Variants in THSD7B observed in about 807,000 individuals in gnomAD.
THSD7B encodes the protein thrombospondin type 1 domain containing 7B.
Under a neutral mutation model 213.6 loss-of-function variants are expected in THSD7B, and 138 were observed. The ratio of observed to expected loss-of-function variants is 0.65; its 90% CI spans 0.56 to 0.74. THSD7B has a LOEUF of 0.74. Among genes scored for constraint, THSD7B ranks in the 30% least tolerant of loss-of-function variants. The probability of loss-of-function intolerance (pLI) is 0.00; values close to 1 mark genes in which losing one functional copy is unlikely to be tolerated. For synonymous variants in THSD7B, 742 were observed against 687.0 expected, an observed-to-expected ratio of 1.08 and a Z score of -1.25; for missense variants, 1,931 against 1,991.5, an observed-to-expected ratio of 0.97 and a Z score of 0.58.
At chr2:136,898,850 C>T (rs1684012205) in intron 2 of THSD7B, among the ~76,000 whole-genome samples, 1 of 151,606 alleles carries the variant, frequency 6.6e-6, no homozygotes. Flanking sequence ...ACCATGTTGG[C>T]CAGGTTGTTC....
rs771641954 is a variant in THSD7B at position 137,170,933 on chromosome 2, A to G, written c.1718A>G (p.Asp573Gly). ...HRILKAVCQN[D>G]RGEDVSGSLC... ...ATTCTGAAGGCCGTCTGCCAGAATG[A>G]CCGCGGTATGACCCAGTGACCCACT... Residue 573 changes from aspartate to glycine, a missense_variant, in exon 7 of 28, where the codon GAC becomes GGC. Physicochemically the swap from Asp to Gly is moderately conservative, Grantham distance 94 (BLOSUM62 -1). Transcript: ENST00000409968. 6.2e-7 allele frequency: 1 copy of G among 1,612,152 alleles called. No individual in the cohort carries two copies.
At chr2:137,189,351 C>A (rs1680613107) in intron 7 of THSD7B, among the ~76,000 whole-genome samples, 1 of 152,166 alleles carries the variant, frequency 6.6e-6, no homozygotes. Flanking sequence ...CAACAAAAAT[C>A]CCCCTGTATA....
intron 14 of THSD7B, among the ~76,000 whole-genome samples, chr2:137,430,711 T>C (rs1306556087): frequency 6.6e-6 from 1 of 152,236 alleles, no homozygotes; most frequent in Non-Finnish European, 1.5e-5. Flanking sequence ...AAGGTAATTC[T>C]GACTTCAAGG....
At chr2:137,093,748 T>G (rs926229576) in intron 3 of THSD7B, among the ~76,000 whole-genome samples, 2 of 151,790 alleles carry the variant, frequency 1.3e-5, no homozygotes, top group Non-Finnish European at 2.9e-5. Flanking sequence ...CATTATCACA[T>G]TATCTTTTTT....
At chr2:137,196,377 T>G (rs1441372709) in intron 7 of THSD7B, among the ~76,000 whole-genome samples, 2 of 1,526 alleles carry the variant, frequency 1.3e-3, no homozygotes, top group Admixed American at 0.014. Context: ...AAACCTGCTG[T>G]TTTTTTTTTT....
intron 7 of THSD7B, among the ~76,000 whole-genome samples, chr2:137,225,419 T>C (rs572832477): frequency 1.9e-4 from 29 of 152,132 alleles, no homozygotes; most frequent in Non-Finnish European, 3.7e-4. Flanking sequence ...TTTGGTATTA[T>C]CTAAAAGTAA....
chr2:137,359,516 G>A (rs571654030), intron 12 of THSD7B, among the ~76,000 whole-genome samples: 1 of 152,268 alleles, frequency 6.6e-6, no homozygotes, highest in East Asian at 1.9e-4. Flanking sequence ...GAGGGGTATG[G>A]GGTGGTTTCG....
At chr2:137,621,437 G>A (rs75098310) in intron 20 of THSD7B, among the ~76,000 whole-genome samples, 3,480 of 152,240 alleles carry the variant, frequency 0.023, 145 homozygotes, top group African/African-American at 0.079. Flanking sequence ...GGGAAGAAAC[G>A]GAAATCATTA....
rs570889685 is a variant in THSD7B, at chr2:136,928,168, C to A, written c.139+45851C>A. Among the ~76,000 whole-genome samples, 7 of 152,300 alleles carry A rather than the reference C, an allele frequency of 4.6e-5. No homozygotes were observed. In the South Asian group the frequency reaches 1.4e-3, roughly 32 times the overall value. ...TACCAAACATCATAGCTTAGCCTAG[C>A]CTTGCACATGTTTAGAACATTTACA... On this transcript the variant is annotated intron_variant, in intron 2 of 27. Transcript: ENST00000409968.
intron 12 of THSD7B, among the ~76,000 whole-genome samples, chr2:137,400,960 AC>A (rs1031506329): frequency 1.3e-5 from 2 of 151,934 alleles, no homozygotes; most frequent in Admixed American, 1.3e-4. Flanking sequence ...CAGTCCTCAG[AC>A]CCCCGGTTGA....
chr2:137,489,811 A>G (rs1688563748), intron 15 of THSD7B, among the ~76,000 whole-genome samples: 3 of 152,302 alleles, frequency 2.0e-5, no homozygotes, highest in South Asian at 4.1e-4. Context: ...CATATTTTAA[A>G]CCACTGATAG....
At chr2:136,895,405 G>A (rs1341339470) in intron 2 of THSD7B, among the ~76,000 whole-genome samples, 1 of 151,288 alleles carries the variant, frequency 6.6e-6, no homozygotes, top group African/African-American at 2.4e-5. Context: ...ATTCTCCACA[G>A]AGGATCTCAT....
intron 17 of THSD7B, among the ~76,000 whole-genome samples, chr2:137,610,586 G>A (rs951086954): frequency 1.3e-5 from 2 of 152,068 alleles, no homozygotes; most frequent in Non-Finnish European, 2.9e-5. Context: ...CCTGTGAAAG[G>A]AAATATTCTA....
chr2:137,616,179 G>A lies in THSD7B; in HGVS notation c.3428G>A (p.Cys1143Tyr). Residue 1143 changes from cysteine to tyrosine, a missense_variant, in exon 18 of 28, where the codon TGC becomes TAC. Cys to Tyr is a radical substitution (Grantham distance 194, BLOSUM62 -2). Coordinates refer to ENST00000409968, the MANE Select transcript of THSD7B (RefSeq NM_001316349.2). ...WGLWSKCPQS[C>Y]DPHTMQRRTR... is the part of the protein sequence containing the mutation. ...TTCCTACTCTGATTTTAATAGTCAT[G>A]CGATCCCCACACAATGCAGAGAAGA... The A allele has an allele frequency of 1.2e-6, 2 of 1,611,070 alleles. No individual in the cohort carries two copies. The highest frequency in any genetic ancestry group is 8.5e-7 in the Non-Finnish European group (1 of 1,178,998).
At chr2:136,926,388 T>TA (rs146474659) in intron 2 of THSD7B, among the ~76,000 whole-genome samples, 9,219 of 148,858 alleles carry the variant, frequency 0.062, 648 homozygotes, top group African/African-American at 0.17. Flanking sequence ...CCCCTAAACT[T>TA]AAAAAAAAAA....
At chr2:136,926,587 A>C (rs1427936721) in intron 2 of THSD7B, among the ~76,000 whole-genome samples, 1 of 152,006 alleles carries the variant, frequency 6.6e-6, no homozygotes, top group African/African-American at 2.4e-5. Flanking sequence ...CCAGCTGCTC[A>C]GGAGGCTAAG....
At chr2:137,480,374 T>C (rs1048056527) in intron 15 of THSD7B, among the ~76,000 whole-genome samples, 3 of 152,348 alleles carry the variant, frequency 2.0e-5, no homozygotes, top group Non-Finnish European at 2.9e-5. Flanking sequence ...TATTTCAATA[T>C]TTACAAAACA....
intron 12 of THSD7B, among the ~76,000 whole-genome samples, chr2:137,332,371 T>C (rs1684533391): frequency 6.6e-6 from 1 of 152,056 alleles, no homozygotes; most frequent in Admixed American, 6.5e-5. Flanking sequence ...TTTTGGCCAA[T>C]TTCTCCCATT....
intron 15 of THSD7B, among the ~76,000 whole-genome samples, chr2:137,539,331 T>G (rs145386552): frequency 2.6e-5 from 4 of 151,708 alleles, no homozygotes; most frequent in East Asian, 2.0e-4. Context: ...GAAAATCAAA[T>G]GGCTAGGTGG....
Sources: allele counts gnomAD v4.1 joint callset (sites outside exome capture counted in the v4.1 genomes callset), GRCh38; gene constraint gnomAD v4.1.1; transcripts MANE v1.5; gene names NCBI Gene and HGNC (gene_info 2026-07-23, HGNC 2026-07-21).